Variants in POLA2 observed in about 807,000 individuals in gnomAD.
POLA2 encodes the protein DNA polymerase alpha 2, accessory subunit.
POLA2 carries 47 observed loss-of-function variants against 82.8 expected under a neutral mutation model. The ratio of observed to expected loss-of-function variants is 0.57; its 90% CI spans 0.45 to 0.72. The LOEUF (loss-of-function observed/expected upper bound fraction) is 0.72, where lower values mean the gene tolerates loss of function less well. POLA2 is among the 30% of genes least tolerant of loss of function. The probability of loss-of-function intolerance (pLI) is 0.00; values close to 1 mark genes in which losing one functional copy is unlikely to be tolerated. For synonymous variants in POLA2, 287 were observed against 286.8 expected (o/e 1.00, Z -0.01); for missense variants, 634 against 728.1 (o/e 0.87, Z 1.49).
intron 1 of POLA2, among the ~76,000 whole-genome samples, chr11:65,265,759 G>T (rs1355830989): frequency 6.6e-6 from 1 of 152,194 alleles, no homozygotes; most frequent in Non-Finnish European, 1.5e-5. Flanking sequence ...TTACAGGCGT[G>T]AGCCACTGCA....
At chr11:65,295,519 A>G in intron 15 of POLA2, 21 bp from the exon 16 acceptor site, 1 of 1,607,428 alleles carries the variant, frequency 6.2e-7, no homozygotes, top group Non-Finnish European at 8.5e-7. Context: ...TTCTGTTTTC[A>G]TGCTTTCTTT....
intron 4 of POLA2, among the ~76,000 whole-genome samples, chr11:65,275,512 C>T (rs1245329023): frequency 3.9e-5 from 6 of 152,100 alleles, no homozygotes; most frequent in African/African-American, 1.2e-4. Context: ...CCCATTCCTT[C>T]TCAGGAAAAT....
At chr11:65,302,052 G>A (rs770490785), downstream of POLA2, among the ~76,000 whole-genome samples, 7 of 152,142 alleles carry the variant, frequency 4.6e-5, no homozygotes, top group Non-Finnish European at 7.4e-5. Context: ...AGGCCCTGCA[G>A]CTGCCCAGGC....
chr11:65,288,701 G>A (rs866189158), intron 11 of POLA2, among the ~76,000 whole-genome samples: 1 of 151,902 alleles, frequency 6.6e-6, no homozygotes. Flanking sequence ...GTATTTTTTT[G>A]TAGAGAGAGG....
In POLA2 at chr11:65,279,622, C is replaced by T; in HGVS notation, c.740C>T (p.Ala247Val). The T allele has an allele frequency of 6.2e-7, 1 of 1,608,044 alleles. No homozygotes were observed. The highest frequency in any genetic ancestry group is 8.5e-7 in the Non-Finnish European group (1 of 1,174,820). Reference protein sequence around the residue: ...IEAFTPLLAPAQEPVTLLGQI... With the variant: ...IEAFTPLLAPVQEPVTLLGQI... ...GCTTTCACTCCTTTGCTAGCCCCAGCACAGGTAAGAGTTGTTCTAATAGTT... is the reference window on the plus strand; with the variant it reads ...GCTTTCACTCCTTTGCTAGCCCCAGTACAGGTAAGAGTTGTTCTAATAGTT... The change falls in exon 7 of 18, where the codon GCA (alanine) becomes GTA (valine). Residue 247 changes from alanine to valine, a missense_variant. Transcript: ENST00000265465.
chr11:65,278,831 C>G lies in POLA2; in HGVS notation c.563C>G (p.Ala188Gly), dbSNP rs754677376. The G allele has an allele frequency of 6.2e-7, 1 of 1,613,808 alleles. No homozygotes were observed. The highest frequency in any genetic ancestry group is 1.1e-5 in the South Asian group (1 of 91,052). ...QGVSWSGRGGAGNISLKVLGC... is the reference protein window; with the variant it reads ...QGVSWSGRGGGGNISLKVLGC... ...GTATCTTGGTCTGGGAGAGGAGGAG[C>G]TGGAAACATCAGCCTGAAGGTCTTG... The change falls in exon 6 of 18, where the codon GCT (alanine) becomes GGT (glycine). Residue 188 changes from alanine to glycine, a missense_variant. Transcript: ENST00000265465.
intron 3 of POLA2, 98 bp downstream of exon 3, chr11:65,267,666 C>A: frequency 1.4e-6 from 1 of 739,924 alleles, no homozygotes; most frequent in Non-Finnish European, 2.2e-6. Flanking sequence ...ATAATAAGGC[C>A]GGGCACGGTG....
chr11:65,275,488 G>A (rs1274399956), intron 4 of POLA2, among the ~76,000 whole-genome samples: 6 of 152,004 alleles, frequency 3.9e-5, no homozygotes, highest in African/African-American at 1.5e-4. Flanking sequence ...CTTTGCCAAA[G>A]TAAGTAGTAA....
chr11:65,295,580 C>G lies in POLA2; in HGVS notation c.1501C>G (p.His501Asp). Residue 501 changes from histidine (H) to aspartate (D), a missense_variant, in exon 16 of 18, where the codon CAC becomes GAC. By Grantham distance (81) the His-to-Asp change is moderately conservative. Transcript: ENST00000265465. The stretch of plus-strand genomic sequence containing the variant: ...AGACAGATTCAGCCGAATACTCAAG[C>G]ACATCTTGACCCAGAGGAGGTGAGC... ...TSDRFSRILK[H>D]ILTQRSYYPL... The G allele has an allele frequency of 6.2e-7, 1 of 1,613,832 alleles. No homozygotes were observed. The highest frequency in any genetic ancestry group is 8.5e-7 in the Non-Finnish European group (1 of 1,179,860).
At chr11:65,262,653 A>G (rs1949411796) in intron 1 of POLA2, among the ~76,000 whole-genome samples, 1 of 152,216 alleles carries the variant, frequency 6.6e-6, no homozygotes, top group African/African-American at 2.4e-5. Context: ...GGGATGTGCT[A>G]GATAGAGACT....
At chr11:65,302,177 T>G (rs1949862482), downstream of POLA2, among the ~76,000 whole-genome samples, 1 of 152,182 alleles carries the variant, frequency 6.6e-6, no homozygotes, top group Non-Finnish European at 1.5e-5. Context: ...AGCAGGACCC[T>G]ACCAAGCCCC....
Position 65,262,265 on chromosome 11 carries a change from G to T in POLA2, c.-28G>T. 1 of 1,599,030 alleles carries T rather than the reference G, an allele frequency of 6.3e-7. No individual in the cohort carries two copies. The highest frequency in any genetic ancestry group is 8.5e-7 in the Non-Finnish European group (1 of 1,170,738). The stretch of plus-strand genomic sequence containing the variant: ...GGCGCAGGTCGGAGCTGGGTGGGCC[G>T]GCTCCCCGGCCCCTGGCTTGGGCGA... On this transcript the variant is annotated 5_prime_UTR_variant, in exon 1 of 18. Coordinates refer to ENST00000265465, the MANE Select transcript of POLA2 (RefSeq NM_002689.4).
intron 10 of POLA2, among the ~76,000 whole-genome samples, chr11:65,283,752 G>A (rs536001554): frequency 6.6e-5 from 10 of 152,198 alleles, no homozygotes; most frequent in Admixed American, 2.0e-4. Flanking sequence ...GGGATTGCAG[G>A]CATGAGCCAC....
Position 65,281,154 on chromosome 11 carries a change from T to C in POLA2, c.900+7T>C. On this transcript the variant is annotated splice_region_variant and intron_variant, in intron 8 of 17. Coordinates refer to ENST00000265465, the MANE Select transcript of POLA2 (RefSeq NM_002689.4). ...TTCTCTGTTTCCTGGACAGGTGAGA[T>C]TGGAGGAGTTCCACCAGAATGCAGG... 1 of 1,613,678 alleles carries C rather than the reference T, an allele frequency of 6.2e-7. No homozygotes were observed. Among genetic ancestry groups the C allele is most frequent in the Non-Finnish European group, 8.5e-7 (1 of 1,179,674 alleles).
At chr11:65,274,615 GGTT>G (rs1377562605) in intron 4 of POLA2, among the ~76,000 whole-genome samples, 1 of 151,716 alleles carries the variant, frequency 6.6e-6, no homozygotes, top group Non-Finnish European at 1.5e-5. Context: ...AGGAGGCAGA[GGTT>G]GTAGTGAGCC....
chr11:65,265,885 C>T lies in POLA2; in HGVS notation c.80-697C>T, dbSNP rs756446440. 2.9e-4 allele frequency among the ~76,000 whole-genome samples: 44 copies of T among 152,204 alleles called. 1 individual carries two copies. The highest frequency in any genetic ancestry group is 1.3e-4 in the Non-Finnish European group (9 of 68,038). Reference sequence around the variant, plus strand: ...AAGACTCAAGCCTGGGATCTTTTCTCCCTTCTAGATACGCTCACTCCCTTG... The same window carrying T: ...AAGACTCAAGCCTGGGATCTTTTCTTCCTTCTAGATACGCTCACTCCCTTG... On this transcript the variant is annotated intron_variant, in intron 1 of 17. Coordinates refer to ENST00000265465, the MANE Select transcript of POLA2 (RefSeq NM_002689.4).
At chr11:65,284,532 CTTT>C (rs557117870) in intron 10 of POLA2, among the ~76,000 whole-genome samples, 1 of 134,254 alleles carries the variant, frequency 7.4e-6, no homozygotes. Flanking sequence ...TTTTTTTTTT[CTTT>C]TTTTTTTTTT....
At chr11:65,301,474 G>A (rs1479357083), downstream of POLA2, among the ~76,000 whole-genome samples, 4 of 152,074 alleles carry the variant, frequency 2.6e-5, no homozygotes, top group African/African-American at 7.2e-5. Context: ...GGGGCAGGTC[G>A]GGAGGAAGAG....
chr11:65,284,160 T>C (rs543591219), intron 10 of POLA2, among the ~76,000 whole-genome samples: 1 of 148,010 alleles, frequency 6.8e-6, no homozygotes, highest in South Asian at 2.1e-4. Context: ...GATAGATAGA[T>C]AGATAGATAG....
Sources: allele counts gnomAD v4.1 joint callset (sites outside exome capture counted in the v4.1 genomes callset), GRCh38; gene constraint gnomAD v4.1.1; transcripts MANE v1.5; gene names NCBI Gene and HGNC (gene_info 2026-07-23, HGNC 2026-07-21).